The following MTUS2 variants were observed in gnomAD, a reference collection of about 807,000 sequenced individuals.
The protein encoded by MTUS2 is microtubule-associated tumor suppressor candidate 2.
A neutral mutation model predicts 114.1 loss-of-function variants in MTUS2; 40 were observed. That is an observed-to-expected ratio of 0.35 (90% confidence interval 0.27 to 0.46). The LOEUF (loss-of-function observed/expected upper bound fraction) is 0.46, where lower values mean the gene tolerates loss of function less well. MTUS2 is among the 20% of genes least tolerant of loss of function. The pLI, the probability that MTUS2 is intolerant of heterozygous loss-of-function variation, is 1.00. For missense variants in MTUS2, 1,679 were observed against 1,705.4 expected (o/e 0.98, Z 0.27); for synonymous variants, 688 against 672.0 (o/e 1.02, Z -0.37).
intron 5 of MTUS2, among the ~76,000 whole-genome samples, chr13:29,276,118 C>T (rs1284998505): frequency 1.3e-5 from 2 of 152,128 alleles, no homozygotes; most frequent in African/African-American, 4.8e-5. Flanking sequence ...TTGATAGATG[C>T]AGTTGATCAG....
At chr13:29,227,180 A>C (rs914943813) in intron 5 of MTUS2, among the ~76,000 whole-genome samples, 2 of 148,572 alleles carry the variant, frequency 1.3e-5, no homozygotes, top group African/African-American at 5.0e-5. Flanking sequence ...AATCACTTGA[A>C]CCTGGGAGGC....
At chr13:29,472,056 G>C (rs2138847804) in intron 9 of MTUS2, among the ~76,000 whole-genome samples, 1 of 152,186 alleles carries the variant, frequency 6.6e-6, no homozygotes. Context: ...ATGAAGTCTT[G>C]CTCTGTCACC....
intron 4 of MTUS2, among the ~76,000 whole-genome samples, chr13:29,062,841 A>C (rs1443546588): frequency 6.6e-6 from 1 of 152,128 alleles, no homozygotes; most frequent in Non-Finnish European, 1.5e-5. Flanking sequence ...ATTTCCTAAG[A>C]CCCTTGAGTC....
At chr13:29,151,317 T>C (rs1327202143) in intron 5 of MTUS2, among the ~76,000 whole-genome samples, 2 of 152,192 alleles carry the variant, frequency 1.3e-5, no homozygotes, top group African/African-American at 4.8e-5. Context: ...AGTGGGATTG[T>C]ATTATTGATT....
intron 2 of MTUS2, among the ~76,000 whole-genome samples, chr13:28,946,324 T>G (rs902886488): frequency 6.6e-6 from 1 of 151,676 alleles, no homozygotes; most frequent in African/African-American, 2.4e-5. Flanking sequence ...CATACCTGCG[T>G]GCAAGTGTGC....
chr13:29,383,724 C>G (rs1316589778), intron 8 of MTUS2, among the ~76,000 whole-genome samples: 2 of 149,818 alleles, frequency 1.3e-5, no homozygotes, highest in Non-Finnish European at 3.0e-5. Flanking sequence ...GAAGGAATCT[C>G]TCTCTGCCAA....
At chr13:29,256,004 A>G (rs1358804474) in intron 5 of MTUS2, among the ~76,000 whole-genome samples, 1 of 152,150 alleles carries the variant, frequency 6.6e-6, no homozygotes, top group Non-Finnish European at 1.5e-5. Flanking sequence ...AGATTAAATG[A>G]GTTCATCTAT....
At chr13:28,989,363 A>T (rs1313836386) in intron 2 of MTUS2, among the ~76,000 whole-genome samples, 1 of 152,204 alleles carries the variant, frequency 6.6e-6, no homozygotes, top group Non-Finnish European at 1.5e-5. Context: ...TAAGGGATAC[A>T]TGTATGAGGA....
chr13:28,901,214 A>T (rs3001950), intron 2 of MTUS2, among the ~76,000 whole-genome samples: 20,919 of 152,002 alleles, frequency 0.14, 1,786 homozygotes, highest in African/African-American at 0.23. Context: ...TTAAAAAAAA[A>T]TTTTTTAAGT....
chr13:29,360,699 C>CCT (rs1555269198), intron 8 of MTUS2, among the ~76,000 whole-genome samples: 1 of 137,212 alleles, frequency 7.3e-6, no homozygotes, highest in Non-Finnish European at 1.6e-5. Flanking sequence ...CCCCCCCCCC[C>CCT]CCGTAAGAAT....
At chr13:28,830,685 T>C (rs1266328358) in intron 1 of MTUS2, among the ~76,000 whole-genome samples, 1 of 152,046 alleles carries the variant, frequency 6.6e-6, no homozygotes, top group Non-Finnish European at 1.5e-5. Flanking sequence ...CCAACATATG[T>C]ATAATTGAAA....
At chr13:29,321,432 G>A (rs1036587492) in intron 6 of MTUS2, among the ~76,000 whole-genome samples, 9 of 152,276 alleles carry the variant, frequency 5.9e-5, no homozygotes, top group East Asian at 1.9e-4. Context: ...AAAAAAAATG[G>A]CAAGAAGAAC....
intron 7 of MTUS2, among the ~76,000 whole-genome samples, chr13:29,341,691 G>A (rs9508382): frequency 0.19 from 29,513 of 152,064 alleles, 2,996 homozygotes; most frequent in Non-Finnish European, 0.23. Context: ...ATTTGCTTTT[G>A]GGTTCGTGGT....
intron 9 of MTUS2, among the ~76,000 whole-genome samples, chr13:29,472,151 AGT>A (rs1256418397): frequency 2.6e-5 from 4 of 152,030 alleles, no homozygotes; most frequent in African/African-American, 9.7e-5. Flanking sequence ...CAGCCTCCCA[AGT>A]ATCTGGGATT....
chr13:28,836,171 T>A (rs1875071911), intron 1 of MTUS2, among the ~76,000 whole-genome samples: 1 of 152,228 alleles, frequency 6.6e-6, no homozygotes, highest in African/African-American at 2.4e-5. Context: ...CTAAAATATT[T>A]AAAATACCAT....
At chr13:29,073,496 TTGTGTACACA>T (rs1889037837) in intron 4 of MTUS2, among the ~76,000 whole-genome samples, 1 of 151,016 alleles carries the variant, frequency 6.6e-6, no homozygotes, top group Non-Finnish European at 1.5e-5. Flanking sequence ...AATTCCCAGG[TTGTGTACACA>T]TGTGTAATGA....
At chr13:29,359,851 A>T (rs1235355813) in intron 8 of MTUS2, among the ~76,000 whole-genome samples, 1 of 152,146 alleles carries the variant, frequency 6.6e-6, no homozygotes, top group Non-Finnish European at 1.5e-5. Context: ...TGCTCACATC[A>T]CAACAAAGGG....
intron 5 of MTUS2, among the ~76,000 whole-genome samples, chr13:29,163,758 GCT>G (rs779752088): frequency 4.6e-5 from 7 of 152,136 alleles, no homozygotes; most frequent in Admixed American, 3.3e-4. Flanking sequence ...TGCAGCCAGG[GCT>G]CTCTCATCCA....
rs778420184 is a variant in MTUS2 at position 29,503,155 on chromosome 13, C to T, written c.4059C>T (p.Gly1353=). The part of the protein sequence containing the change: ...KLSPTSPVYR[G]SSSGPSSPAR... Reference sequence around the variant, plus strand: ...CGCCCACATCTCCCGTTTACCGCGGCTCCTCCTCGGGGCCCTCCTCTCCGG... The same window carrying T: ...CGCCCACATCTCCCGTTTACCGCGGTTCCTCCTCGGGGCCCTCCTCTCCGG... Residue 1353 remains glycine, a synonymous_variant, in exon 16 of 16, where the codon GGC becomes GGT. Coordinates refer to ENST00000612955, the MANE Select transcript of MTUS2 (RefSeq NM_001033602.4). 2.5e-6 allele frequency: 4 copies of T among 1,614,240 alleles called. No individual in the cohort carries two copies. The African/African-American group carries it at 5.3e-5, about 22-fold the overall frequency.
Sources: gnomAD v4.1 joint callset for allele counts (sites outside exome capture counted in the v4.1 genomes callset) on GRCh38, gnomAD v4.1.1 for gene constraint, MANE v1.5 for transcripts, NCBI Gene and HGNC (gene_info 2026-07-23, HGNC 2026-07-21) for gene names.